OSR2: variants seen among roughly 807,000 people sequenced by gnomAD.
The protein encoded by OSR2 is odd-skipped related transciption factor 2.
A neutral mutation model predicts 22.3 loss-of-function variants in OSR2; 8 were observed. The ratio of observed to expected loss-of-function variants is 0.36; its 90% CI spans 0.21 to 0.65. The LOEUF (loss-of-function observed/expected upper bound fraction) is 0.65, where lower values mean the gene tolerates loss of function less well. Ranked by LOEUF, OSR2 falls within the 30% of genes least tolerant of loss-of-function variation. The pLI, the probability that OSR2 is intolerant of heterozygous loss-of-function variation, is 0.66. For missense variants in OSR2, 311 were observed against 413.4 expected (o/e 0.75, Z 2.15); for synonymous variants, 179 against 173.8 (o/e 1.03, Z -0.23).
At chr8:98,946,349 A>T (rs1275917770) in intron 1 of OSR2, 3 of 152,268 alleles carry the variant, frequency 2.0e-5, no homozygotes, top group Non-Finnish European at 4.4e-5. Context: ...GGATCTCTGC[A>T]TTCACTTAAA....
At position 98,949,086 on chromosome 8, in the gene OSR2, C is replaced by T; in HGVS notation, c.134C>T (p.Ala45Val). Residue 45 changes from alanine (A) to valine (V), a missense_variant, in exon 2 of 4, where the codon GCG becomes GTG. Physicochemically the swap from Ala to Val is moderately conservative, Grantham distance 64. Around this residue, in one of 5 missense-constraint regions of OSR2, gnomAD observed 146 missense variants for 160.5 expected, o/e 0.91. Transcript: ENST00000297565. This position sits in a 1 kb window ranked among gnomAD's most constrained non-coding sequence, Gnocchi z 5.9. ...DHLQGLYGLSAVQTMHMNHWT... is the reference protein window; with the variant it reads ...DHLQGLYGLSVVQTMHMNHWT... ...CTGCAGGGCCTGTACGGTCTCAGCG[C>T]GGTACAGACCATGCACATGAACCAC... 3 of 1,613,954 alleles carry T rather than the reference C, an allele frequency of 1.9e-6. No individual in the cohort carries two copies. The highest frequency in any genetic ancestry group is 2.5e-6 in the Non-Finnish European group (3 of 1,179,892).
chr8:98,951,597 A>G lies in OSR2; in HGVS notation c.835A>G (p.Thr279Ala), dbSNP rs1216795703. Reference sequence around the variant, plus strand: ...TCTGAAAACTCACCTTCTCACCCATACAGACATCAAGCCCTACAGCTGCGA... The same window carrying G: ...TCTGAAAACTCACCTTCTCACCCATGCAGACATCAAGCCCTACAGCTGCGA... ...SNLKTHLLTH[T>A]DIKPYSCEQC... Residue 279 changes from threonine (T) to alanine (A), a missense_variant, in exon 4 of 4, where the codon ACA (threonine) becomes GCA (alanine). By Grantham distance (58) the Thr-to-Ala change is moderately conservative. Around this residue, in one of 5 missense-constraint regions of OSR2, gnomAD observed 70 missense variants for 84.5 expected, o/e 0.83. Coordinates refer to ENST00000297565, the MANE Select transcript of OSR2 (RefSeq NM_001142462.3). 4 of 1,613,974 alleles carry G rather than the reference A, an allele frequency of 2.5e-6. No individual in the cohort carries two copies. The South Asian group carries it at 3.3e-5, about 13-fold the overall frequency.
In OSR2 at chr8:98,949,240, C is replaced by T. The variant is rs781053180; in HGVS notation, c.288C>T (p.His96=). 2.2e-5 allele frequency: 35 copies of T among 1,601,540 alleles called. No individual in the cohort carries two copies. Among genetic ancestry groups the T allele is most frequent in the Non-Finnish European group, 2.6e-5 (31 of 1,172,086 alleles). ...PALPFTTHLF[H]PKQGAIAHVL... Reference sequence around the variant, plus strand: ...TGCCTTTTACCACCCACCTATTCCACCCCAAGCAGGGGGCCATTGCCCACG... The same window carrying T: ...TGCCTTTTACCACCCACCTATTCCATCCCAAGCAGGGGGCCATTGCCCACG... Residue 96 remains histidine (H), a synonymous_variant, in exon 2 of 4, where the codon CAC becomes CAT. Coordinates refer to ENST00000297565, the MANE Select transcript of OSR2 (RefSeq NM_001142462.3). The surrounding 1 kb of genome is among the most constrained non-coding windows in gnomAD (Gnocchi z 5.9).
intron 1 of OSR2, among the ~76,000 whole-genome samples, chr8:98,946,734 T>C (rs1412898038): frequency 6.6e-6 from 1 of 152,136 alleles, no homozygotes; most frequent in Non-Finnish European, 1.5e-5. Context: ...AACAGTACTT[T>C]AGCCAACACC....
chr8:98,947,011 A>G (rs1450431612), intron 1 of OSR2, among the ~76,000 whole-genome samples: 1 of 152,124 alleles, frequency 6.6e-6, no homozygotes, highest in Non-Finnish European at 1.5e-5. Flanking sequence ...AATCAGGTAG[A>G]TTACCAGGAA....
In OSR2 at chr8:98,951,738, C is replaced by T. The variant is rs1344861875; in HGVS notation, c.*37C>T. On this transcript the variant is annotated 3_prime_UTR_variant, in exon 4 of 4. Coordinates refer to ENST00000297565, the MANE Select transcript of OSR2 (RefSeq NM_001142462.3). ...ATCTGTCCCGTGCCGCCGCTGCTCCCCTCCCCAGACACCTCTCCACGTCTC... is the reference window on the plus strand; with the variant it reads ...ATCTGTCCCGTGCCGCCGCTGCTCCTCTCCCCAGACACCTCTCCACGTCTC... 6.3e-7 allele frequency: 1 copy of T among 1,575,714 alleles called. No homozygotes were observed. Among genetic ancestry groups the T allele is most frequent in the East Asian group, 2.3e-5 (1 of 42,918 alleles).
rs897501777 is a variant in OSR2, at chr8:98,948,486, G to C, written c.-114-353G>C. 1 of 1,312,586 alleles carries C rather than the reference G, an allele frequency of 7.6e-7. No individual in the cohort carries two copies. Among genetic ancestry groups the C allele is most frequent in the Non-Finnish European group, 9.9e-7 (1 of 1,006,076 alleles). 81.3% of individuals were successfully genotyped at this position (1,312,586 alleles called of 1,614,324 possible). On this transcript the variant is annotated intron_variant, in intron 1 of 3. Transcript: ENST00000297565. The surrounding 1 kb of genome is among the most constrained non-coding windows in gnomAD (Gnocchi z 6.0). Reference sequence around the variant, plus strand: ...GAGCTTCGCCTAACAGGCTTGGGGAGGGTGGGCTGGGCTGGGCTGGGCTGG... The same window carrying C: ...GAGCTTCGCCTAACAGGCTTGGGGACGGTGGGCTGGGCTGGGCTGGGCTGG...
In OSR2 at chr8:98,949,333, A is replaced by G. The variant is rs936612333; in HGVS notation, c.381A>G (p.Gln127=). The G allele has an allele frequency of 2.5e-6, 4 of 1,613,342 alleles. No homozygotes were observed. The highest frequency in any genetic ancestry group is 2.7e-5 in the African/African-American group (2 of 75,070). The change falls in exon 2 of 4, where the codon CAA becomes CAG. Residue 127 remains glutamine, a synonymous_variant. Coordinates refer to ENST00000297565, the MANE Select transcript of OSR2 (RefSeq NM_001142462.3). This position sits in a 1 kb window ranked among gnomAD's most constrained non-coding sequence, Gnocchi z 5.9. The part of the protein sequence containing the change: ...DFANLAVAAT[Q]EDPPKMGDLS... ...CCAATTTGGCGGTGGCTGCCACGCAAGAGGATCCGCCTAAGATGGGAGACC... is the reference window on the plus strand; with the variant it reads ...CCAATTTGGCGGTGGCTGCCACGCAGGAGGATCCGCCTAAGATGGGAGACC...
chr8:98,946,928 C>A (rs1416196802), intron 1 of OSR2, among the ~76,000 whole-genome samples: 1 of 151,894 alleles, frequency 6.6e-6, no homozygotes, highest in Non-Finnish European at 1.5e-5. Flanking sequence ...TATTTTGAAT[C>A]TCTGGAAAAT....
chr8:98,948,948 G>T lies in OSR2; in HGVS notation c.-5G>T. The T allele has an allele frequency of 1.9e-6, 3 of 1,613,882 alleles. No homozygotes were observed. In the South Asian group the frequency reaches 3.3e-5, roughly 18 times the overall value. On this transcript the variant is annotated 5_prime_UTR_variant, in exon 2 of 4. Coordinates refer to ENST00000297565, the MANE Select transcript of OSR2 (RefSeq NM_001142462.3). This position sits in a 1 kb window ranked among gnomAD's most constrained non-coding sequence, Gnocchi z 6.0. ...GTCCCCTCAGCACCCCCAGCATCCC[G>T]GAAAATGGGGAGCAAGGCTCTGCCA...
At chr8:98,950,444 T>G (rs1840748151) in intron 2 of OSR2, among the ~76,000 whole-genome samples, 1 of 151,716 alleles carries the variant, frequency 6.6e-6, no homozygotes. Context: ...GGCGATCAAG[T>G]GTAGATAAAG....
At chr8:98,946,989 T>C (rs1840628420) in intron 1 of OSR2, among the ~76,000 whole-genome samples, 2 of 152,202 alleles carry the variant, frequency 1.3e-5, no homozygotes, top group South Asian at 4.1e-4. Flanking sequence ...TATTTTTAAT[T>C]GAAAGGGAAA....
At position 98,948,090 on chromosome 8, in the gene OSR2, G is replaced by C; in HGVS notation, c.-114-749G>C. ...GTCGGGGGTTGGGAGGAGAGCCCGT[G>C]GATAGGAGGAGGGGGCGATTCTAGG... is the stretch of plus-strand genomic sequence containing the variant. On this transcript the variant is annotated intron_variant, in intron 1 of 3. Transcript: ENST00000297565. The surrounding 1 kb of genome is among the most constrained non-coding windows in gnomAD (Gnocchi z 6.0). 7.5e-7 allele frequency: 1 copy of C among 1,341,214 alleles called. No homozygotes were observed. Among genetic ancestry groups the C allele is most frequent in the East Asian group, 3.0e-5 (1 of 33,300 alleles). The allele number at this position is 1,341,214 out of a possible 1,614,324, so 83.1% of individuals were successfully genotyped here.
intron 1 of OSR2, chr8:98,946,038 G>GAAGCTTTCA (rs1403904024): frequency 1.3e-5 from 2 of 152,154 alleles, no homozygotes; most frequent in Non-Finnish European, 2.9e-5. Context: ...AAGCTTCACT[G>GAAGCTTTCA]AACTGAAATA....
chr8:98,945,470 A>G (rs1384126484), intron 1 of OSR2, among the ~76,000 whole-genome samples: 1 of 152,194 alleles, frequency 6.6e-6, no homozygotes, highest in Non-Finnish European at 1.5e-5. Context: ...GGAGCCCCGG[A>G]TCTGTCTTCC....
In OSR2 at chr8:98,949,597, G is replaced by A. The variant is rs1840724596; in HGVS notation, c.645G>A (p.Leu215=). Residue 215 remains leucine, a synonymous_variant, in exon 2 of 4, where the codon CTG becomes CTA. Transcript: ENST00000297565. The surrounding 1 kb of genome is among the most constrained non-coding windows in gnomAD (Gnocchi z 5.9). ...AGGCCTTCCGGAGGCAAGATCACCTGCGGGATCACAGGTGAGGCGGGCAAG... is the reference window on the plus strand; with the variant it reads ...AGGCCTTCCGGAGGCAAGATCACCTACGGGATCACAGGTGAGGCGGGCAAG... ...CHKAFRRQDH[L]RDHRYIHSKE... is the part of the protein sequence containing the mutation. 3 of 1,610,116 alleles carry A rather than the reference G, an allele frequency of 1.9e-6. No individual in the cohort carries two copies. Among genetic ancestry groups the A allele is most frequent in the Non-Finnish European group, 2.5e-6 (3 of 1,177,084 alleles).
rs1840705142 is a variant in OSR2 at position 98,949,107 on chromosome 8, A to G, written c.155A>G (p.Asn52Ser). The change falls in exon 2 of 4, where the codon AAC becomes AGC. Residue 52 changes from asparagine to serine, a missense_variant. By Grantham distance (46) the Asn-to-Ser change is conservative. Around this residue, in one of 5 missense-constraint regions of OSR2, gnomAD observed 146 missense variants for 160.5 expected, o/e 0.91. Coordinates refer to ENST00000297565, the MANE Select transcript of OSR2 (RefSeq NM_001142462.3). The surrounding 1 kb of genome is among the most constrained non-coding windows in gnomAD (Gnocchi z 5.9). Reference sequence around the variant, plus strand: ...AGCGCGGTACAGACCATGCACATGAACCACTGGACGCTGGGGTATCCCAAT... The same window carrying G: ...AGCGCGGTACAGACCATGCACATGAGCCACTGGACGCTGGGGTATCCCAAT... ...GLSAVQTMHM[N>S]HWTLGYPNVH... is the part of the protein sequence containing the mutation. 2.5e-6 allele frequency: 4 copies of G among 1,613,802 alleles called. No individual in the cohort carries two copies. In the African/African-American group the frequency reaches 4.0e-5, roughly 16 times the overall value.
intron 1 of OSR2, among the ~76,000 whole-genome samples, chr8:98,945,795 C>A (rs929415563): frequency 2.0e-5 from 3 of 152,122 alleles, no homozygotes; most frequent in Admixed American, 6.5e-5. Context: ...CTTCTTTGAT[C>A]TACTTAGTCT....
rs559637087 is a variant in OSR2, at chr8:98,949,743, C to T, written c.656+135C>T. On this transcript the variant is annotated intron_variant, in intron 2 of 3. Transcript: ENST00000297565. This position sits in a 1 kb window ranked among gnomAD's most constrained non-coding sequence, Gnocchi z 5.9. ...ACACCCTCAGTCACGCTCCTCAGCC[C>T]GGTTCAGCTAATTCCCAACATCTAC... 2.7e-5 allele frequency: 29 copies of T among 1,076,728 alleles called. No homozygotes were observed. In the South Asian group the frequency reaches 4.3e-4, roughly 16 times the overall value. 66.7% of individuals were successfully genotyped at this position (1,076,728 alleles called of 1,614,324 possible).
Sources: allele counts gnomAD v4.1 joint callset (sites outside exome capture counted in the v4.1 genomes callset), GRCh38; gene constraint gnomAD v4.1.1; regional missense constraint gnomAD v4.1.1; non-coding constraint Gnocchi (gnomAD v3.1); transcripts MANE v1.5; gene names NCBI Gene and HGNC (gene_info 2026-07-23, HGNC 2026-07-21).